Variants in RNF6 observed in about 807,000 individuals in gnomAD.
The protein encoded by RNF6 is ring finger protein 6.
A neutral mutation model predicts 50.1 loss-of-function variants in RNF6; 21 were observed. The ratio of observed to expected loss-of-function variants is 0.42; its 90% CI spans 0.30 to 0.60. The LOEUF (loss-of-function observed/expected upper bound fraction) is 0.60. Among genes scored for constraint, RNF6 ranks in the 20% least tolerant of loss-of-function variants. RNF6 has a pLI of 0.20. For missense variants in RNF6, 698 were observed against 838.2 expected, an observed-to-expected ratio of 0.83 and a Z score of 2.07; for synonymous variants, 255 against 291.8, an observed-to-expected ratio of 0.87 and a Z score of 1.29.
chr13:26,135,780 C>A (rs1870617539), intron 5 of RNF6, among the ~76,000 whole-genome samples: 2 of 152,030 alleles, frequency 1.3e-5, no homozygotes, highest in South Asian at 4.2e-4. Context: ...GGGGGTGGAT[C>A]CCTCAAGAAT....
At chr13:26,139,638 A>C (rs1870832158) in intron 5 of RNF6, among the ~76,000 whole-genome samples, 1 of 152,202 alleles carries the variant, frequency 6.6e-6, no homozygotes, top group Admixed American at 6.5e-5. Flanking sequence ...AGTTTGAAGG[A>C]AATTGACATC....
chr13:26,219,588 T>C lies in RNF6; in HGVS notation c.62A>G (p.Asn21Ser). Residue 21 changes from asparagine to serine, a missense_variant, in exon 3 of 5, where the codon AAT becomes AGT. Transcript: ENST00000381588. ...CCATCTTCTCTCATTTTCATGATGA[T>C]TATGGTCTTGAGGTAAGGTTTCTTC... ...GSEETLPQDH[N>S]HHENERRWQQ... 1 of 1,614,024 alleles carries C rather than the reference T, an allele frequency of 6.2e-7. No homozygotes were observed. Among genetic ancestry groups the C allele is most frequent in the Non-Finnish European group, 8.5e-7 (1 of 1,179,942 alleles).
intron 5 of RNF6, among the ~76,000 whole-genome samples, chr13:26,178,505 T>C (rs1417026172): frequency 9.7e-6 from 1 of 103,552 alleles, no homozygotes; most frequent in Admixed American, 1.1e-4. Flanking sequence ...AACATGTGAA[T>C]GTGGGCGGGG....
intron 5 of RNF6, among the ~76,000 whole-genome samples, chr13:26,207,020 T>C (rs1869138609): frequency 6.6e-6 from 1 of 152,078 alleles, no homozygotes; most frequent in South Asian, 2.1e-4. Flanking sequence ...TAAAAGAAAT[T>C]AAAACATTTT....
intron 3 of RNF6, 198 bp downstream of exon 3, chr13:26,219,259 C>T (rs1050426638): frequency 2.0e-6 from 1 of 497,560 alleles, no homozygotes; most frequent in Admixed American, 3.6e-5. Context: ...TGCTCCATGT[C>T]CCCTATTTTC....
At chr13:26,203,105 TG>T (rs1395732454) in intron 5 of RNF6, among the ~76,000 whole-genome samples, 2 of 152,240 alleles carry the variant, frequency 1.3e-5, no homozygotes, top group Non-Finnish European at 2.9e-5. Context: ...ATTTGGGCCA[TG>T]AGCTGACATC....
rs149288115 is a variant in RNF6 at position 26,173,705 on chromosome 13, G to T, written n.769-41254C>A. The stretch of plus-strand genomic sequence containing the variant: ...ATTTATTTCTTTGGAAAAAAAAAAA[G>T]CATTTGGGAGGCCAAGGCAGGCAGA... On this transcript the variant is annotated intron_variant and non_coding_transcript_variant, in intron 5 of 5. Transcript: ENST00000468480. Among the ~76,000 whole-genome samples, 310 of 151,466 alleles carry T rather than the reference G, an allele frequency of 2.0e-3. 4 individuals are homozygous for T. Among genetic ancestry groups the T allele is most frequent in the Middle Eastern group, 0.017 (5 of 294 alleles).
downstream of RNF6, among the ~76,000 whole-genome samples, chr13:26,209,619 T>C (rs1236320466): frequency 2.0e-5 from 3 of 152,208 alleles, no homozygotes; most frequent in Non-Finnish European, 4.4e-5. Context: ...AGGGGCTAAA[T>C]TGTGTCACTT....
intron 5 of RNF6, among the ~76,000 whole-genome samples, chr13:26,164,190 G>A (rs550009218): frequency 6.6e-6 from 1 of 152,094 alleles, no homozygotes; most frequent in African/African-American, 2.4e-5. Context: ...ACTTATTACA[G>A]TCCCTGAATT....
chr13:26,151,330 T>C (rs1302367802), intron 5 of RNF6, among the ~76,000 whole-genome samples: 1 of 152,106 alleles, frequency 6.6e-6, no homozygotes, highest in Non-Finnish European at 1.5e-5. Flanking sequence ...TGGTGCTATC[T>C]CAGCTCACTG....
intron 5 of RNF6, among the ~76,000 whole-genome samples, chr13:26,167,550 G>T (rs1209109150): frequency 6.6e-6 from 1 of 152,148 alleles, no homozygotes; most frequent in Admixed American, 6.5e-5. Flanking sequence ...TCAAAAAATA[G>T]CAGATGTTGG....
chr13:26,197,915 C>A lies in RNF6; in HGVS notation n.768+17559G>T, dbSNP rs114555353. Among the ~76,000 whole-genome samples, 1,210 of 151,600 alleles carry A rather than the reference C, an allele frequency of 8.0e-3. 37 individuals carry two copies. The highest frequency in any genetic ancestry group is 0.027 in the African/African-American group (1,096 of 41,108). ...CAATAGCAATAAGGTTTTCAGGAAG[C>A]CCCCGTAACATCTTGGAAGTAAAAC... is the stretch of plus-strand genomic sequence containing the variant. On this transcript the variant is annotated intron_variant and non_coding_transcript_variant, in intron 5 of 5. Transcript: ENST00000468480.
chr13:26,149,230 T>C (rs1017687403), intron 5 of RNF6: 1 of 152,170 alleles, frequency 6.6e-6, no homozygotes, highest in Non-Finnish European at 1.5e-5. Context: ...AAAAATTCAT[T>C]ACATCAAAAG....
intron 5 of RNF6, among the ~76,000 whole-genome samples, chr13:26,150,583 G>C (rs987269836): frequency 6.6e-6 from 1 of 151,978 alleles, no homozygotes; most frequent in Admixed American, 6.6e-5. Flanking sequence ...TACTATCATA[G>C]TTCTTATGAC....
chr13:26,219,633 G>A lies in RNF6; in HGVS notation c.17C>T (p.Ser6Leu), dbSNP rs758157593. The A allele has an allele frequency of 4.3e-6, 7 of 1,613,154 alleles. No individual in the cohort carries two copies. Among genetic ancestry groups the A allele is most frequent in the African/African-American group, 4.0e-5 (3 of 74,990 alleles). The change falls in exon 3 of 5, where the codon TCG becomes TTG. Residue 6 changes from serine to leucine, a missense_variant. By Grantham distance (145) the Ser-to-Leu change is moderately radical. Transcript: ENST00000381588. Reference sequence around the variant, plus strand: ...TTCTTCACTGCCACCATCTGATCTCGATCTAGACTGATTCATCCTGAGATT... The same window carrying A: ...TTCTTCACTGCCACCATCTGATCTCAATCTAGACTGATTCATCCTGAGATT... Reference protein sequence around the residue: MNQSRSRSDGGSEETL... With the variant: MNQSRLRSDGGSEETL...
At chr13:26,166,749 A>G (rs9578971) in intron 5 of RNF6, among the ~76,000 whole-genome samples, 8,949 of 152,226 alleles carry the variant, frequency 0.059, 309 homozygotes, top group African/African-American at 0.11. Flanking sequence ...GTGAAACCCC[A>G]TCTCTACCAA....
downstream of RNF6, among the ~76,000 whole-genome samples, chr13:26,211,701 C>T (rs1285890490): frequency 1.3e-5 from 2 of 151,906 alleles, no homozygotes; most frequent in South Asian, 2.1e-4. Context: ...GAGGTTGCAG[C>T]GAGCCGAGAT....
chr13:26,171,808 A>G (rs755160297), intron 5 of RNF6, among the ~76,000 whole-genome samples: 1 of 152,232 alleles, frequency 6.6e-6, no homozygotes, highest in Non-Finnish European at 1.5e-5. Flanking sequence ...GTGAAATTTT[A>G]TATGTTTATA....
intron 5 of RNF6, among the ~76,000 whole-genome samples, chr13:26,162,519 A>T (rs926335216): frequency 2.0e-5 from 3 of 152,146 alleles, no homozygotes; most frequent in African/African-American, 2.4e-5. Context: ...GCTGCACCTG[A>T]CTGATCATCT....
Sources: gnomAD v4.1 joint callset for allele counts (sites outside exome capture counted in the v4.1 genomes callset) on GRCh38, gnomAD v4.1.1 for gene constraint, MANE v1.5 for transcripts, NCBI Gene and HGNC (gene_info 2026-07-23, HGNC 2026-07-21) for gene names.